DNAH3: variants seen among roughly 807,000 people sequenced by gnomAD.
DNAH3 encodes axonemal beta dynein heavy chain 3.
In DNAH3, 332 loss-of-function variants were observed where a neutral mutation model predicts 432.5. That is an observed-to-expected ratio of 0.77 (90% CI 0.70 to 0.84). The LOEUF (loss-of-function observed/expected upper bound fraction) is 0.84. Among genes scored for constraint, DNAH3 ranks in the 40% least tolerant of loss-of-function variants. The pLI, the probability that DNAH3 is intolerant of heterozygous loss-of-function variation, is 0.00. For missense variants in DNAH3, 4,861 were observed against 5,114.0 expected (o/e 0.95, Z 1.51); for synonymous variants, 1,956 against 1,900.2 (o/e 1.03, Z -0.76).
chr16:21,113,794 C>T (rs2092126251), intron 12 of DNAH3, among the ~76,000 whole-genome samples: 1 of 152,134 alleles, frequency 6.6e-6, no homozygotes, highest in Non-Finnish European at 1.5e-5. Flanking sequence ...TGATCATTAA[C>T]ACCTCATAGG....
chr16:20,988,039 T>C, exon 45 of DNAH3: 1 of 1,614,114 alleles, frequency 6.2e-7, no homozygotes, highest in Non-Finnish European at 8.5e-7. Context: ...TTGATGGAAA[T>C]GATATTCAGA....
At chr16:21,122,178 A>G in intron 9 of DNAH3, 54 bp from the exon 11 acceptor site, 1 of 1,459,650 alleles carries the variant, frequency 6.9e-7, no homozygotes, top group Non-Finnish European at 9.3e-7. Flanking sequence ...TTCCAAAATC[A>G]AGGGAGTGAA....
intron 22 of DNAH3, 149 bp downstream of exon 22, chr16:21,070,561 G>A: frequency 1.7e-6 from 1 of 580,240 alleles, no homozygotes; most frequent in Non-Finnish European, 3.2e-6. Flanking sequence ...GGGGTTACAG[G>A]TGTGAGCCAC....
chr16:20,978,984 A>G (rs1044337313), intron 50 of DNAH3, among the ~76,000 whole-genome samples: 1 of 152,078 alleles, frequency 6.6e-6, no homozygotes, highest in Non-Finnish European at 1.5e-5. Flanking sequence ...TCACTGCCTT[A>G]TCCTGCCCAG....
At chr16:21,060,462 A>C in intron 25 of DNAH3, 106 bp from the exon 26 acceptor site, 4 of 763,458 alleles carry the variant, frequency 5.2e-6, no homozygotes, top group Non-Finnish European at 9.1e-6. Context: ...AGGGATGCCA[A>C]AGGCTTGGCA....
intron 40 of DNAH3, among the ~76,000 whole-genome samples, chr16:21,020,348 G>GTGTGTGTATGTATATA: frequency 2.9e-5 from 2 of 69,178 alleles, no homozygotes; most frequent in African/African-American, 1.3e-4. Flanking sequence ...TATAGTGTGT[G>GTGTGTGTATGTATATA]TATATATATA....
At position 21,136,348 on chromosome 16, in the gene DNAH3, AAT is replaced by A; in HGVS notation, c.860_861del (p.Tyr287LeufsTer3). 6.2e-7 allele frequency: 1 copy of A among 1,613,936 alleles called. No individual in the cohort carries two copies. Among genetic ancestry groups the A allele is most frequent in the South Asian group, 1.1e-5 (1 of 91,056 alleles). Reference sequence around the variant, plus strand: ...CCGATGCTTTTCATGAGGCTACAGTAATAGTCATTCTCCTTCTCCTGCACGAG... The same window carrying A: ...CCGATGCTTTTCATGAGGCTACAGTAAGTCATTCTCCTTCTCCTGCACGAG... On this transcript the variant is annotated frameshift_variant, in exon 6 of 62. Transcript: ENST00000261383. LOFTEE classifies it high-confidence loss of function.
intron 43 of DNAH3, among the ~76,000 whole-genome samples, chr16:20,999,503 GT>G (rs2086914783): frequency 6.6e-6 from 1 of 152,176 alleles, no homozygotes. Flanking sequence ...ATCCAGAAGT[GT>G]GGGGCATTAC....
At chr16:20,962,567 G>C (rs138806924) in intron 53 of DNAH3, among the ~76,000 whole-genome samples, 1 of 152,332 alleles carries the variant, frequency 6.6e-6, no homozygotes, top group African/African-American at 2.4e-5. Flanking sequence ...AAGACAGCCA[G>C]ACAGTATGGA....
chr16:21,127,876 A>G, intron 7 of DNAH3, 64 bp from the exon 9 acceptor site: 1 of 1,585,632 alleles, frequency 6.3e-7, no homozygotes, highest in Non-Finnish European at 8.6e-7. Context: ...CCCGCAGGAC[A>G]GGTTCCAAGG....
chr16:20,959,529 G>T, intron 53 of DNAH3, 125 bp from the exon 54 acceptor site: 1 of 904,890 alleles, frequency 1.1e-6, no homozygotes, highest in East Asian at 2.8e-5. Flanking sequence ...CAACACTTTG[G>T]GAGGCCGAGG....
chr16:21,054,592 C>T, intron 27 of DNAH3, 58 bp from the exon 28 acceptor site: 3 of 1,338,696 alleles, frequency 2.2e-6, no homozygotes, highest in South Asian at 1.2e-5. Flanking sequence ...TGGTAATCCC[C>T]ATGTCAAGAA....
At chr16:21,119,037 T>C (rs999705056) in intron 11 of DNAH3, among the ~76,000 whole-genome samples, 1 of 152,196 alleles carries the variant, frequency 6.6e-6, no homozygotes, top group Non-Finnish European at 1.5e-5. Flanking sequence ...GTGTCTTGTT[T>C]GGCCAATCCA....
chr16:21,055,786 C>T (rs1261867211), intron 27 of DNAH3, among the ~76,000 whole-genome samples: 1 of 147,604 alleles, frequency 6.8e-6, no homozygotes, highest in African/African-American at 2.5e-5. Context: ...TGCTCTGTCA[C>T]CTAGGCAGGA....
At position 21,119,790 on chromosome 16, in the gene DNAH3, G is replaced by T. The variant is rs372821554; in HGVS notation, c.1699+950C>A. 9.9e-5 allele frequency among the ~76,000 whole-genome samples: 15 copies of T among 151,854 alleles called. No individual in the cohort carries two copies. The South Asian group carries it at 2.7e-3, about 27-fold the overall frequency. On this transcript the variant is annotated intron_variant, in intron 11 of 61. Transcript: ENST00000261383. ...TTTTTGTATTTTTAGTAGAGACGGG[G>T]TTTCACCATGTTGGCTAGGCTGGTA...
At chr16:21,132,898 CTT>C (rs397735231) in intron 7 of DNAH3, among the ~76,000 whole-genome samples, 1 of 150,940 alleles carries the variant, frequency 6.6e-6, no homozygotes, top group Non-Finnish European at 1.5e-5. Context: ...GGATATCTCA[CTT>C]TTTTTTAAAA....
exon 43 of DNAH3, chr16:21,000,387 G>T (rs770819940): frequency 6.2e-7 from 1 of 1,614,176 alleles, no homozygotes; most frequent in Non-Finnish European, 8.5e-7. Flanking sequence ...GGAGAAGGAA[G>T]TTGTTGGTGA....
exon 53 of DNAH3, chr16:20,964,296 G>A (rs781179304): frequency 9.3e-6 from 15 of 1,614,056 alleles, no homozygotes; most frequent in Admixed American, 1.7e-5. Flanking sequence ...CCAAGGGGGT[G>A]ATCATGAAGT....
intron 1 of DNAH3, among the ~76,000 whole-genome samples, chr16:21,149,134 C>T (rs2092822121): frequency 6.6e-6 from 1 of 150,698 alleles, no homozygotes; most frequent in Admixed American, 6.7e-5. Flanking sequence ...GAGACTGAGG[C>T]AGGAGAATCG....
Sources: gnomAD v4.1 joint callset for allele counts (sites outside exome capture counted in the v4.1 genomes callset) on GRCh38, gnomAD v4.1.1 for gene constraint, MANE v1.5 for transcripts, NCBI Gene and HGNC (gene_info 2026-07-23, HGNC 2026-07-21) for gene names.